The following APOBEC3D variants were observed in gnomAD, a reference collection of about 807,000 sequenced individuals.
APOBEC3D encodes apolipoprotein B mRNA editing enzyme catalytic subunit 3D.
A neutral mutation model predicts 45.6 loss-of-function variants in APOBEC3D; 37 were observed. That is an observed-to-expected ratio of 0.81 (90% CI 0.62 to 1.07). The LOEUF is 1.07. Ranked by LOEUF, APOBEC3D falls within the 50% of genes least tolerant of loss-of-function variation. The probability of loss-of-function intolerance (pLI) is 0.00; values close to 1 mark genes in which losing one functional copy is unlikely to be tolerated. For missense variants in APOBEC3D, 496 were observed against 495.3 expected (o/e 1.00, Z -0.01); for synonymous variants, 175 against 180.7 (o/e 0.97, Z 0.25).
chr22:39,032,032 G>T lies in APOBEC3D; in HGVS notation c.1042+59G>T, dbSNP rs189638174. 9.9e-4 allele frequency: 1,582 copies of T among 1,605,746 alleles called. 4 individuals carry two copies. The highest frequency in any genetic ancestry group is 4.5e-3 in the Admixed American group (267 of 59,720). ...GGAGGGACAGCATGAGGGGCAGGTGGGTCTGCAATGCCGTGGGGCGGGGCA... is the reference window on the plus strand; with the variant it reads ...GGAGGGACAGCATGAGGGGCAGGTGTGTCTGCAATGCCGTGGGGCGGGGCA... On this transcript the variant is annotated intron_variant, in intron 6 of 6. Transcript: ENST00000216099.
At chr22:39,027,830 A>C (rs1445379942) in intron 4 of APOBEC3D, among the ~76,000 whole-genome samples, 1 of 151,824 alleles carries the variant, frequency 6.6e-6, no homozygotes, top group Non-Finnish European at 1.5e-5. Context: ...GCTGCTTCTG[A>C]ATGGGCCATC....
At position 39,031,905 on chromosome 22, in the gene APOBEC3D, C is replaced by T; in HGVS notation, c.974C>T (p.Thr325Ile). Residue 325 changes from threonine (T) to isoleucine (I), a missense_variant, in exon 6 of 7, where the codon ACA becomes ATA. Physicochemically the swap from Thr to Ile is moderately conservative, Grantham distance 89. Coordinates refer to ENST00000216099, the MANE Select transcript of APOBEC3D (RefSeq NM_152426.4). Reference sequence around the variant, plus strand: ...GCCCGCCTCTGCTACTTCTGGGATACAGATTACCAGGAGGGGCTCTGCAGC... The same window carrying T: ...GCCCGCCTCTGCTACTTCTGGGATATAGATTACCAGGAGGGGCTCTGCAGC... ...FTARLCYFWD[T>I]DYQEGLCSLS... 1 of 1,614,212 alleles carries T rather than the reference C, an allele frequency of 6.2e-7. No individual in the cohort carries two copies. Among genetic ancestry groups the T allele is most frequent in the South Asian group, 1.1e-5 (1 of 91,080 alleles).
Position 39,032,210 on chromosome 22 carries a change from G to A in APOBEC3D, c.1055G>A (p.Cys352Tyr), listed in dbSNP as rs771300402. 8.3e-5 allele frequency: 134 copies of A among 1,613,844 alleles called. No homozygotes were observed. The highest frequency in any genetic ancestry group is 1.1e-4 in the Non-Finnish European group (133 of 1,179,942). Residue 352 changes from cysteine (C) to tyrosine (Y), a missense_variant, in exon 7 of 7, where the codon TGT becomes TAT. Physicochemically the swap from Cys to Tyr is radical, Grantham distance 194. Transcript: ENST00000216099. ...GTTTTTTTCTCAGATTTTGTATCTT[G>A]TTGGAAAAACTTTGTGTACAGTGAT... ...KIMGYKDFVS[C>Y]WKNFVYSDDE...
intron 4 of APOBEC3D, among the ~76,000 whole-genome samples, chr22:39,027,355 A>G (rs1925775577): frequency 6.6e-6 from 1 of 152,150 alleles, no homozygotes; most frequent in Admixed American, 6.5e-5. Flanking sequence ...GCAAGGGGGA[A>G]GCAGACACCT....
chr22:39,025,996 G>A (rs111354356), intron 4 of APOBEC3D, among the ~76,000 whole-genome samples: 4 of 152,194 alleles, frequency 2.6e-5, no homozygotes, highest in Non-Finnish European at 4.4e-5. Context: ...AAAACTGGAC[G>A]TAGTAAGTGG....
chr22:39,032,532 T>TC lies in APOBEC3D; in HGVS notation c.*221dup. 1 of 1,268,634 alleles carries TC rather than the reference T, an allele frequency of 7.9e-7. No individual in the cohort carries two copies. 78.6% of individuals were successfully genotyped at this position (1,268,634 alleles called of 1,614,324 possible). On this transcript the variant is annotated 3_prime_UTR_variant, in exon 7 of 7. Transcript: ENST00000216099. ...TCTCCATCCACCTCCCCAGTCCTGT[T>TC]CCCCCAGCCTGGGTGCCCCTAACTT...
At chr22:39,027,188 C>T (rs1400198471) in intron 4 of APOBEC3D, among the ~76,000 whole-genome samples, 11 of 152,142 alleles carry the variant, frequency 7.2e-5, no homozygotes, top group Non-Finnish European at 1.5e-5. Context: ...CCTTCTGTGA[C>T]ATAGGGACAA....
chr22:39,033,173 C>T lies in APOBEC3D; in HGVS notation c.*857C>T, dbSNP rs1244990385. On this transcript the variant is annotated 3_prime_UTR_variant, in exon 7 of 7. Transcript: ENST00000216099. Reference sequence around the variant, plus strand: ...TGGAGGCTGGAGTAAACTGAGATCGCGCCACAGAACTCCAGTTTGAGCAAC... The same window carrying T: ...TGGAGGCTGGAGTAAACTGAGATCGTGCCACAGAACTCCAGTTTGAGCAAC... The T allele has an allele frequency of 1.6e-5, 12 of 753,592 alleles. No individual in the cohort carries two copies. The South Asian group carries it at 3.6e-4, about 23-fold the overall frequency. The allele number at this position is 753,592 out of a possible 1,614,324, so 46.7% of individuals were successfully genotyped here.
chr22:39,025,352 G>A lies in APOBEC3D; in HGVS notation c.490+3G>A, dbSNP rs561098935. On this transcript the variant is annotated splice_donor_region_variant and intron_variant, in intron 3 of 6. Coordinates refer to ENST00000216099, the MANE Select transcript of APOBEC3D (RefSeq NM_152426.4). The stretch of plus-strand genomic sequence containing the variant: ...TGTGAAGATCATGGACTATGAAGGT[G>A]AGAGGTGCAGGGGTCAGGGGAGCAT... The A allele has an allele frequency of 2.0e-5, 33 of 1,613,920 alleles. 1 individual carries two copies. The South Asian group carries it at 3.6e-4, about 18-fold the overall frequency.
rs1464247249 is a variant in APOBEC3D at position 39,032,697 on chromosome 22, G to A, written c.*381G>A. The A allele has an allele frequency of 1.5e-5, 11 of 749,552 alleles. No homozygotes were observed. The highest frequency in any genetic ancestry group is 1.6e-5 in the Non-Finnish European group (10 of 618,606). 46.4% of individuals were successfully genotyped at this position (749,552 alleles called of 1,614,324 possible). On this transcript the variant is annotated 3_prime_UTR_variant, in exon 7 of 7. Coordinates refer to ENST00000216099, the MANE Select transcript of APOBEC3D (RefSeq NM_152426.4). Reference sequence around the variant, plus strand: ...CAAACTCTGCTTACTGGGTTCAAGTGATTCTCCTGTCTCAGCTTCTGAGTA... The same window carrying A: ...CAAACTCTGCTTACTGGGTTCAAGTAATTCTCCTGTCTCAGCTTCTGAGTA...
At position 39,032,586 on chromosome 22, in the gene APOBEC3D, AAT is replaced by A. The variant is rs1926333758; in HGVS notation, c.*271_*272del. The A allele has an allele frequency of 9.1e-7, 1 of 1,099,322 alleles. No individual in the cohort carries two copies. Among genetic ancestry groups the A allele is most frequent in the Non-Finnish European group, 1.1e-6 (1 of 912,316 alleles). 68.1% of individuals were successfully genotyped at this position (1,099,322 alleles called of 1,614,324 possible). On this transcript the variant is annotated 3_prime_UTR_variant, in exon 7 of 7. Coordinates refer to ENST00000216099, the MANE Select transcript of APOBEC3D (RefSeq NM_152426.4). Reference sequence around the variant, plus strand: ...TCTTCCCATCTCCCCAGCATAACCAAATCTTTTTTTTTTTTTTTTTTTTTTGA... The same window carrying A: ...TCTTCCCATCTCCCCAGCATAACCAACTTTTTTTTTTTTTTTTTTTTTTGA...
intron 5 of APOBEC3D, among the ~76,000 whole-genome samples, chr22:39,030,863 AG>A (rs904788683): frequency 1.3e-5 from 2 of 152,202 alleles, no homozygotes; most frequent in African/African-American, 4.8e-5. Flanking sequence ...TAAAGAAGGA[AG>A]GGGCCAAGCG....
intron 4 of APOBEC3D, among the ~76,000 whole-genome samples, chr22:39,028,801 G>A (rs1479060929): frequency 1.3e-5 from 2 of 152,122 alleles, no homozygotes; most frequent in Admixed American, 1.3e-4. Flanking sequence ...CGGGCGTGGT[G>A]GCATGCACCT....
chr22:39,024,746 C>T (rs914241490), intron 2 of APOBEC3D, among the ~76,000 whole-genome samples: 2 of 151,948 alleles, frequency 1.3e-5, no homozygotes, highest in East Asian at 1.9e-4. Flanking sequence ...TGACATACTG[C>T]CCCCCCAGCT....
intron 5 of APOBEC3D, among the ~76,000 whole-genome samples, chr22:39,030,717 A>G (rs1382727475): frequency 2.0e-5 from 3 of 152,042 alleles, no homozygotes; most frequent in Non-Finnish European, 4.4e-5. Flanking sequence ...AGCAGAAGGC[A>G]GACAGGGGAC....
At chr22:39,029,995 C>T (rs568502821) in intron 5 of APOBEC3D, among the ~76,000 whole-genome samples, 1 of 151,530 alleles carries the variant, frequency 6.6e-6, no homozygotes, top group East Asian at 1.9e-4. Flanking sequence ...TTGCCTCTTA[C>T]CAAAAGGCCT....
rs747523879 is a variant in APOBEC3D at position 39,025,063 on chromosome 22, C to T, written c.211-7C>T. On this transcript the variant is annotated splice_polypyrimidine_tract_variant and splice_region_variant and intron_variant, in intron 2 of 6. Coordinates refer to ENST00000216099, the MANE Select transcript of APOBEC3D (RefSeq NM_152426.4). ...CAGAGCTTCCCCTGCCCCTGCTCCT[C>T]TCCCAGGTGTATTTCCGGTTTGAGA... is the stretch of plus-strand genomic sequence containing the variant. 2 of 1,471,586 alleles carry T rather than the reference C, an allele frequency of 1.4e-6. No individual in the cohort carries two copies. Among genetic ancestry groups the T allele is most frequent in the Non-Finnish European group, 1.8e-6 (2 of 1,092,048 alleles). The allele number at this position is 1,471,586 out of a possible 1,614,324, so 91.2% of individuals were successfully genotyped here. A position where few individuals can be genotyped will look rare whatever the true frequency, so the allele number is the denominator to read the frequency against.
At chr22:39,021,631 C>CAGCCCT in intron 1 of APOBEC3D, 95 bp downstream of exon 1, 1 of 1,556,280 alleles carries the variant, frequency 6.4e-7, no homozygotes, top group Non-Finnish European at 8.8e-7. Flanking sequence ...GCCCCAGCCC[C>CAGCCCT]AGCCCTGGAC....
At chr22:39,023,273 G>T (rs1382855954) in intron 2 of APOBEC3D, among the ~76,000 whole-genome samples, 4 of 151,662 alleles carry the variant, frequency 2.6e-5, no homozygotes, top group African/African-American at 9.7e-5. Flanking sequence ...GTGCTACCAC[G>T]CCCGGCTAAT....
Sources: gnomAD v4.1 joint callset for allele counts (sites outside exome capture counted in the v4.1 genomes callset) on GRCh38, gnomAD v4.1.1 for gene constraint, MANE v1.5 for transcripts, NCBI Gene and HGNC (gene_info 2026-07-23, HGNC 2026-07-21) for gene names.